PSMD2: variants seen among roughly 807,000 people sequenced by gnomAD.
PSMD2 encodes the protein 26S proteasome non-ATPase regulatory subunit 2.
Under a neutral mutation model 101.5 loss-of-function variants are expected in PSMD2, and 8 were observed. The observed-to-expected ratio is 0.08, with a 90% CI of 0.05 to 0.14. PSMD2 has a LOEUF of 0.14. Among genes scored for constraint, PSMD2 ranks in the 10% least tolerant of loss-of-function variants. PSMD2 has a pLI of 1.00. For missense variants in PSMD2, 784 were observed against 1,147.4 expected (o/e 0.68, Z 4.58); for synonymous variants, 418 against 433.8 (o/e 0.96, Z 0.45).
At chr3:184,302,124 C>G in intron 5 of PSMD2, 53 bp downstream of exon 5, 1 of 1,554,056 alleles carries the variant, frequency 6.4e-7, no homozygotes, top group South Asian at 1.1e-5. Context: ...CAGCACCTCT[C>G]TCTCAATTGC....
intron 7 of PSMD2, 30 bp downstream of exon 7, chr3:184,302,853 T>G: frequency 6.2e-7 from 1 of 1,613,764 alleles, no homozygotes; most frequent in Non-Finnish European, 8.5e-7. Flanking sequence ...ATCAAGGCCT[T>G]TTCGTCATAA....
chr3:184,305,802 T>C lies in PSMD2; in HGVS notation c.1574T>C (p.Ile525Thr). 1 of 1,614,160 alleles carries C rather than the reference T, an allele frequency of 6.2e-7. No individual in the cohort carries two copies. The change falls in exon 13 of 21, where the codon ATA (isoleucine) becomes ACA (threonine). Residue 525 changes from isoleucine to threonine, a missense_variant. By Grantham distance (89) the Ile-to-Thr change is moderately conservative (BLOSUM62 -1). Around this residue, in one of 6 missense-constraint regions of PSMD2, gnomAD observed 282 missense variants for 437.6 expected, o/e 0.64. Coordinates refer to ENST00000310118, the MANE Select transcript of PSMD2 (RefSeq NM_002808.5). ...GTCACAGCTTTAGCCTGTGGAATGA[T>C]AGCAGTAGGGTCCTGCAATGGAGAT... ...AGVTALACGM[I>T]AVGSCNGDVT... is the part of the protein sequence containing the mutation.
intron 15 of PSMD2, 32 bp from the exon 16 acceptor site, chr3:184,306,719 C>T (rs777122153): frequency 1.9e-6 from 3 of 1,594,778 alleles, no homozygotes; most frequent in African/African-American, 2.7e-5. Context: ...ATTCCTTGAG[C>T]TTAATGGGTT....
chr3:184,305,516 G>T (rs1721802933), intron 12 of PSMD2, among the ~76,000 whole-genome samples: 1 of 151,312 alleles, frequency 6.6e-6, no homozygotes, highest in Admixed American at 6.6e-5. Flanking sequence ...GCAGTGCAGG[G>T]GATAACCTCA....
Position 184,302,056 on chromosome 3 carries a change from G to C in PSMD2, c.689G>C (p.Cys230Ser), listed in dbSNP as rs1049856062. ...GATGAAAATGCATATGCAAAGGTCT[G>C]CCTTTATCTCACCAGGTGAGTGAAC... Reference protein sequence around the residue: ...DIDENAYAKVCLYLTSCVNYV... With the variant: ...DIDENAYAKVSLYLTSCVNYV... Residue 230 changes from cysteine to serine, a missense_variant, in exon 5 of 21, where the codon TGC (cysteine) becomes TCC (serine). Around this residue, in one of 6 missense-constraint regions of PSMD2, gnomAD observed 208 missense variants for 301.6 expected, o/e 0.69. Transcript: ENST00000310118. The C allele has an allele frequency of 6.2e-6, 10 of 1,613,986 alleles. No individual in the cohort carries two copies. Among genetic ancestry groups the C allele is most frequent in the Non-Finnish European group, 8.5e-6 (10 of 1,180,046 alleles).
Position 184,303,764 on chromosome 3 carries a change from A to G in PSMD2, c.1323+15A>G, listed in dbSNP as rs1258780256. Reference sequence around the variant, plus strand: ...ACTACATTAAGGTTGGTCTGCATACAGCCTGCTCATGGGGACTTCCCCGTT... The same window carrying G: ...ACTACATTAAGGTTGGTCTGCATACGGCCTGCTCATGGGGACTTCCCCGTT... On this transcript the variant is annotated intron_variant, in intron 10 of 20. Coordinates refer to ENST00000310118, the MANE Select transcript of PSMD2 (RefSeq NM_002808.5). The G allele has an allele frequency of 6.2e-7, 1 of 1,613,248 alleles. No individual in the cohort carries two copies. The highest frequency in any genetic ancestry group is 8.5e-7 in the Non-Finnish European group (1 of 1,179,142).
At position 184,303,725 on chromosome 3, in the gene PSMD2, G is replaced by T; in HGVS notation, c.1299G>T (p.Leu433=). Residue 433 remains leucine (L), a synonymous_variant, in exon 10 of 21, where the codon CTG becomes CTT. Coordinates refer to ENST00000310118, the MANE Select transcript of PSMD2 (RefSeq NM_002808.5). ...GCCTCACCCAGATTGACAAGTACCT[G>T]TACTCCTCTGAGGACTACATTAAGG... ...DGGLTQIDKY[L]YSSEDYIKSG... is the part of the protein sequence containing the mutation. 6.2e-7 allele frequency: 1 copy of T among 1,614,180 alleles called. No homozygotes were observed.
chr3:184,302,566 G>C (rs772527589), intron 6 of PSMD2, 38 bp downstream of exon 6: 3 of 1,612,298 alleles, frequency 1.9e-6, no homozygotes, highest in Non-Finnish European at 2.5e-6. Context: ...ATAAGCTTAC[G>C]AATAGGACAC....
In PSMD2 at chr3:184,303,666, C is replaced by T. The variant is rs1183219730; in HGVS notation, c.1240C>T (p.Leu414Phe). The T allele has an allele frequency of 1.3e-5, 21 of 1,614,226 alleles. No individual in the cohort carries two copies. Among genetic ancestry groups the T allele is most frequent in the Non-Finnish European group, 1.8e-5 (21 of 1,180,044 alleles). The change falls in exon 10 of 21, where the codon CTT (leucine) becomes TTT (phenylalanine). Residue 414 changes from leucine (L) to phenylalanine (F), a missense_variant. Leu to Phe is a conservative substitution (Grantham distance 22). Transcript: ENST00000310118. ...DHGMLSAAAS[L>F]GMILLWDVDG... ...AGGAATGTTGAGTGCAGCTGCATCT[C>T]TTGGGATGATTCTGCTGTGGGATGT... is the stretch of plus-strand genomic sequence containing the variant.
rs1721601860 is a variant in PSMD2, at chr3:184,300,345, A to G, written c.258A>G (p.Thr86=). 6.2e-7 allele frequency: 1 copy of G among 1,613,896 alleles called. No individual in the cohort carries two copies. The highest frequency in any genetic ancestry group is 8.5e-7 in the Non-Finnish European group (1 of 1,179,766). Residue 86 remains threonine (T), a synonymous_variant, in exon 3 of 21, where the codon ACA becomes ACG. Transcript: ENST00000310118. ...TGCGAAGGCAGATTCGTTCTTCTAC[A>G]ACTTCCATGACTTCAGTGCCCAAGC... The part of the protein sequence containing the change: ...EELRRQIRSS[T]TSMTSVPKPL...
chr3:184,302,106 G>T (rs1721665256), intron 5 of PSMD2, 35 bp downstream of exon 5: 4 of 1,590,054 alleles, frequency 2.5e-6, no homozygotes, highest in Non-Finnish European at 1.7e-6. Context: ...TGGCAGGCAT[G>T]CCCTCCTCAG....
At chr3:184,307,580 CT>C (rs1289250437) in intron 17 of PSMD2, 33 bp from the exon 18 acceptor site, 1 of 1,614,020 alleles carries the variant, frequency 6.2e-7, no homozygotes. Flanking sequence ...TTTGAAGCCC[CT>C]TTTTTCACTT....
Position 184,305,762 on chromosome 3 carries a change from C to T in PSMD2, c.1540-6C>T. On this transcript the variant is annotated splice_region_variant and splice_polypyrimidine_tract_variant and intron_variant, in intron 12 of 20. Coordinates refer to ENST00000310118, the MANE Select transcript of PSMD2 (RefSeq NM_002808.5). The stretch of plus-strand genomic sequence containing the variant: ...CTCTGTGTAATACTGATTTTCCTAC[C>T]TCTAGGTGGCAGGTGTCACAGCTTT... 2.5e-6 allele frequency: 4 copies of T among 1,612,580 alleles called. No homozygotes were observed. Among genetic ancestry groups the T allele is most frequent in the Non-Finnish European group, 3.4e-6 (4 of 1,179,436 alleles).
chr3:184,299,890 C>G lies in PSMD2; in HGVS notation c.175C>G (p.Leu59Val), dbSNP rs747364667. Residue 59 changes from leucine to valine, a missense_variant, in exon 2 of 21, where the codon CTC becomes GTC. Physicochemically the swap from Leu to Val is conservative, Grantham distance 32 (BLOSUM62 1). This residue lies in a region of PSMD2 where 196 missense variants were observed against 182.4 expected (regional missense o/e 1.07). Coordinates refer to ENST00000310118, the MANE Select transcript of PSMD2 (RefSeq NM_002808.5). ...DKQLQDELEM[L>V]VERLGEKDTS... ...ACAGCTTCAAGATGAACTGGAGATG[C>G]TCGTGGAACGACTAGGGGTGAGTCA... 8 of 1,613,888 alleles carry G rather than the reference C, an allele frequency of 5.0e-6. No individual in the cohort carries two copies. In the South Asian group the frequency reaches 8.8e-5, roughly 18 times the overall value.
At chr3:184,302,558 A>T (rs748550983) in intron 6 of PSMD2, 30 bp downstream of exon 6, 1 of 1,613,110 alleles carries the variant, frequency 6.2e-7, no homozygotes, top group Admixed American at 1.7e-5. Context: ...GCAAAGAGAT[A>T]AGCTTACGAA....
At chr3:184,302,246 C>CT (rs1223061376) in intron 5 of PSMD2, 124 bp from the exon 6 acceptor site, 8 of 1,212,762 alleles carry the variant, frequency 6.6e-6, no homozygotes, top group Middle Eastern at 2.6e-4. Context: ...CTTAGTAGTT[C>CT]TAACATCTAG....
chr3:184,308,619 A>G lies in PSMD2; in HGVS notation c.2544+52A>G. ...TCAGGCTGTATTCTCAAACTGGAGA[A>G]TGTACATATACTTGCTTTGCTGAAA... On this transcript the variant is annotated intron_variant, in intron 20 of 20. Coordinates refer to ENST00000310118, the MANE Select transcript of PSMD2 (RefSeq NM_002808.5). This position sits in a 1 kb window ranked among gnomAD's most constrained non-coding sequence, Gnocchi z 6.0. The G allele has an allele frequency of 6.3e-7, 1 of 1,588,260 alleles. No individual in the cohort carries two copies. Among genetic ancestry groups the G allele is most frequent in the Non-Finnish European group, 8.6e-7 (1 of 1,158,456 alleles).
intron 3 of PSMD2, chr3:184,300,748 T>C: frequency 2.4e-6 from 2 of 823,962 alleles, no homozygotes; most frequent in Non-Finnish European, 3.1e-6. Flanking sequence ...ATCTCTAAAA[T>C]ATGTTCCACA....
At chr3:184,301,460 T>G in intron 3 of PSMD2, 77 bp from the exon 4 acceptor site, 6 of 1,548,190 alleles carry the variant, frequency 3.9e-6, no homozygotes, top group Non-Finnish European at 5.3e-6. Context: ...TCGGAGACAA[T>G]GATCTTGATT....
Sources: gnomAD v4.1 joint callset for allele counts (sites outside exome capture counted in the v4.1 genomes callset) on GRCh38, gnomAD v4.1.1 for gene constraint, gnomAD v4.1.1 regional missense constraint, Gnocchi (gnomAD v3.1) non-coding constraint, MANE v1.5 for transcripts, NCBI Gene and HGNC (gene_info 2026-07-23, HGNC 2026-07-21) for gene names.